The following MYH11 variants were observed in gnomAD, a reference collection of about 807,000 sequenced individuals.
MYH11 encodes myosin heavy chain 11, also known as myosin-11.
In MYH11, 80 loss-of-function variants were observed where a neutral mutation model predicts 246.6. The observed-to-expected ratio is 0.32, with a 90% CI of 0.27 to 0.39. The LOEUF (loss-of-function observed/expected upper bound fraction) is 0.39, where lower values mean the gene tolerates loss of function less well. MYH11 is among the 10% of genes least tolerant of loss of function. The probability of loss-of-function intolerance (pLI) is 1.00; values close to 1 mark genes in which losing one functional copy is unlikely to be tolerated. For missense variants in MYH11, 2,158 were observed against 2,546.8 expected, an observed-to-expected ratio of 0.85 and a Z score of 3.29; for synonymous variants, 1,071 against 1,015.5, an observed-to-expected ratio of 1.05 and a Z score of -1.04.
intron 34 of MYH11, 118 bp from the exon 35 acceptor site, chr16:15,719,831 C>A (rs2040371608): frequency 2.8e-6 from 4 of 1,422,892 alleles, no homozygotes; most frequent in Non-Finnish European, 2.9e-6. Flanking sequence ...CAAAGAAGTT[C>A]CCATTGCACG....
chr16:15,813,446 C>A (rs1375870356), intron 3 of MYH11, among the ~76,000 whole-genome samples: 4 of 152,026 alleles, frequency 2.6e-5, no homozygotes, highest in Non-Finnish European at 5.9e-5. Context: ...AGTTTCAGGG[C>A]TTAATTTTAA....
Position 15,719,260 on chromosome 16 carries a change from CCTT to C in MYH11, c.5128_5130del (p.Lys1710del). On this transcript the variant is annotated inframe_deletion, in exon 36 of 41. Coordinates refer to ENST00000300036, the MANE Select transcript of MYH11 (RefSeq NM_002474.3). Reference sequence around the variant, plus strand: ...CTGGCCAGCTCCTCTGCCAGTTCCTCCTTCTCGAGGTCCGCTTGTTTGCGAGCC... The same window carrying C: ...CTGGCCAGCTCCTCTGCCAGTTCCTCCTCGAGGTCCGCTTGTTTGCGAGCC... The C allele has an allele frequency of 6.2e-7, 1 of 1,613,512 alleles. No homozygotes were observed. Among genetic ancestry groups the C allele is most frequent in the Non-Finnish European group, 8.5e-7 (1 of 1,180,042 alleles).
At chr16:15,772,848 G>A (rs1460053066) in intron 8 of MYH11, among the ~76,000 whole-genome samples, 2 of 152,070 alleles carry the variant, frequency 1.3e-5, no homozygotes, top group South Asian at 2.1e-4. Context: ...TCATAGGAGC[G>A]CAAACCCTAT....
rs1596732730 is a variant in MYH11 at position 15,724,916 on chromosome 16, G to A, written c.3935C>T (p.Ser1312Phe). 2 of 1,614,028 alleles carry A rather than the reference G, an allele frequency of 1.2e-6. No homozygotes were observed. The highest frequency in any genetic ancestry group is 8.5e-7 in the Non-Finnish European group (1 of 1,180,044). The stretch of plus-strand genomic sequence containing the variant: ...GGTGTCCTGGAGCTGGGAACTGAGG[G>A]ACGCCACGTCCTTGGCCAGCTTAAT... Reference protein sequence around the residue: ...KAIKLAKDVASLSSQLQDTQE... With the variant: ...KAIKLAKDVAFLSSQLQDTQE... The change falls in exon 29 of 41, where the codon TCC becomes TTC. Residue 1312 changes from serine to phenylalanine, a missense_variant. Transcript: ENST00000300036.
intron 21 of MYH11, 26 bp from the exon 22 acceptor site, chr16:15,741,695 C>T (rs373587584): frequency 1.9e-5 from 31 of 1,613,918 alleles, no homozygotes; most frequent in African/African-American, 8.0e-5. Context: ...GGGGAGGAGG[C>T]GGGTGAGCCC....
intron 3 of MYH11, among the ~76,000 whole-genome samples, chr16:15,803,365 C>T (rs1045927568): frequency 3.3e-5 from 5 of 151,554 alleles, no homozygotes; most frequent in African/African-American, 1.2e-4. Context: ...CAACCTCTGC[C>T]TCCTGGTTTC....
In MYH11 at chr16:15,838,075, C is replaced by T. The variant is rs2043950934; in HGVS notation, c.178G>A (p.Val60Met). ...IKEEKGDEVV[V>M]ELVENGKKVT... ...TTCTTGCCATTCTCCACCAGCTCCACAACCACCTCATCCCCCTTCTCCTCC... is the reference window on the plus strand; with the variant it reads ...TTCTTGCCATTCTCCACCAGCTCCATAACCACCTCATCCCCCTTCTCCTCC... Residue 60 changes from valine (V) to methionine (M), a missense_variant, in exon 2 of 41, where the codon GTG (valine) becomes ATG (methionine). Val to Met is a conservative substitution (Grantham distance 21). Coordinates refer to ENST00000300036, the MANE Select transcript of MYH11 (RefSeq NM_002474.3). 6 of 1,614,152 alleles carry T rather than the reference C, an allele frequency of 3.7e-6. No individual in the cohort carries two copies. Among genetic ancestry groups the T allele is most frequent in the Non-Finnish European group, 5.1e-6 (6 of 1,180,026 alleles).
In MYH11 at chr16:15,747,875, A is replaced by T. The variant is rs748236620; in HGVS notation, c.2249T>A (p.Met750Lys). ...TCTCTGGTGGACTTCTGGGCTCACC[A>T]TGAGAATGCAGGCCTGCTTCCCGTC... The part of the protein sequence containing the change: ...FMDGKQACIL[M>K]IKALELDPNL... The change falls in exon 18 of 41, where the codon ATG (methionine) becomes AAG (lysine). Residue 750 changes from methionine to lysine, a missense_variant and splice_region_variant. Around this residue, in one of 11 missense-constraint regions of MYH11, gnomAD observed 56 missense variants for 47.2 expected, o/e 1.19. Coordinates refer to ENST00000300036, the MANE Select transcript of MYH11 (RefSeq NM_002474.3). The T allele has an allele frequency of 6.2e-7, 1 of 1,613,714 alleles. No individual in the cohort carries two copies. Among genetic ancestry groups the T allele is most frequent in the Non-Finnish European group, 8.5e-7 (1 of 1,179,968 alleles).
At chr16:15,794,542 T>C (rs1396325789) in intron 4 of MYH11, among the ~76,000 whole-genome samples, 1 of 152,262 alleles carries the variant, frequency 6.6e-6, no homozygotes, top group Non-Finnish European at 1.5e-5. Flanking sequence ...TGCCAAGTCC[T>C]TGCTAACGCT....
At chr16:15,767,719 C>A (rs1161438273) in intron 9 of MYH11, among the ~76,000 whole-genome samples, 1 of 151,960 alleles carries the variant, frequency 6.6e-6, no homozygotes, top group Non-Finnish European at 1.5e-5. Flanking sequence ...GTGGGCCCTA[C>A]ATTTAATGTC....
chr16:15,738,032 C>T (rs1188505615), intron 24 of MYH11, among the ~76,000 whole-genome samples: 1 of 152,028 alleles, frequency 6.6e-6, no homozygotes, highest in Non-Finnish European at 1.5e-5. Flanking sequence ...GTGATCCGCC[C>T]ACCTCGGCCT....
intron 19 of MYH11, 129 bp downstream of exon 19, chr16:15,747,441 A>G (rs1027572541): frequency 8.8e-7 from 1 of 1,133,092 alleles, no homozygotes; most frequent in Non-Finnish European, 1.3e-6. Flanking sequence ...TTCCCCTTCA[A>G]GAAAAGGCTG....
In MYH11 at chr16:15,740,976, GCCT is replaced by G. The variant is rs2151249459; in HGVS notation, c.2859+484_2859+486del. Among the ~76,000 whole-genome samples the G allele has an allele frequency of 1.3e-5, 2 of 152,210 alleles. 1 individual carries two copies. The highest frequency in any genetic ancestry group is 3.9e-4 in the East Asian group (2 of 5,178). ...GAGGCCTTCATGATAAGGAACTGAG[GCCT>G]CCTCCAACAGCTGTGTGAATAAGCC... is the stretch of plus-strand genomic sequence containing the variant. On this transcript the variant is annotated intron_variant, in intron 22 of 40. Transcript: ENST00000300036.
intron 31 of MYH11, among the ~76,000 whole-genome samples, chr16:15,722,331 T>C (rs2040530219): frequency 6.6e-6 from 1 of 152,236 alleles, no homozygotes; most frequent in African/African-American, 2.4e-5. Flanking sequence ...ATGGTAAGCA[T>C]GGGTGGCCCT....
intron 35 of MYH11, 64 bp from the exon 36 acceptor site, chr16:15,719,372 C>T (rs1217174304): frequency 1.2e-5 from 18 of 1,560,228 alleles, no homozygotes; most frequent in Non-Finnish European, 1.4e-5. Context: ...AAGAGTCCAC[C>T]CTGACAACTC....
At chr16:15,761,761 G>A (rs1394988441) in intron 10 of MYH11, among the ~76,000 whole-genome samples, 2 of 152,064 alleles carry the variant, frequency 1.3e-5, no homozygotes, top group African/African-American at 4.8e-5. Context: ...TTTCCCTGAG[G>A]TCTTTCCTTG....
chr16:15,751,022 C>G (rs996221284), intron 15 of MYH11, among the ~76,000 whole-genome samples: 2 of 151,906 alleles, frequency 1.3e-5, no homozygotes, highest in Admixed American at 6.6e-5. Context: ...AGTGGGTAAC[C>G]ATGTAGGTAT....
rs779500428 is a variant in MYH11 at position 15,786,618 on chromosome 16, A to C, written c.633+12T>G. Reference sequence around the variant, plus strand: ...GCTAAATCATGGCCTCTGATTGGGAACTGCCACTCACCGTGATACTTGTGT... The same window carrying C: ...GCTAAATCATGGCCTCTGATTGGGACCTGCCACTCACCGTGATACTTGTGT... On this transcript the variant is annotated intron_variant, in intron 5 of 40. Coordinates refer to ENST00000300036, the MANE Select transcript of MYH11 (RefSeq NM_002474.3). The C allele has an allele frequency of 8.7e-6, 14 of 1,611,932 alleles. No homozygotes were observed. The highest frequency in any genetic ancestry group is 9.3e-6 in the Non-Finnish European group (11 of 1,178,458).
chr16:15,853,391 A>T (rs2044378343), intron 1 of MYH11, among the ~76,000 whole-genome samples: 1 of 152,040 alleles, frequency 6.6e-6, no homozygotes, highest in Admixed American at 6.6e-5. Context: ...ACTTCAAGCC[A>T]TCCCCCCACC....
Sources: gnomAD v4.1 joint callset for allele counts (sites outside exome capture counted in the v4.1 genomes callset) on GRCh38, gnomAD v4.1.1 for gene constraint, gnomAD v4.1.1 regional missense constraint, MANE v1.5 for transcripts, NCBI Gene and HGNC (gene_info 2026-07-23, HGNC 2026-07-21) for gene names.